The following OPRD1 variants were observed in gnomAD, a reference collection of about 807,000 sequenced individuals.
The protein encoded by OPRD1 is opioid receptor delta 1.
OPRD1 carries 19 observed loss-of-function variants against 17.5 expected under a neutral mutation model. The ratio of observed to expected loss-of-function variants is 1.09; its 90% confidence interval spans 0.76 to 1.60. The LOEUF is 1.60. OPRD1 is among the 40% of genes most tolerant of loss of function. OPRD1 has a pLI of 0.00. For missense variants in OPRD1, 483 were observed against 547.2 expected (o/e 0.88, Z 1.17); for synonymous variants, 256 against 240.9 (o/e 1.06, Z -0.58).
intron 1 of OPRD1, among the ~76,000 whole-genome samples, chr1:28,815,287 G>T (rs888285458): frequency 3.3e-5 from 5 of 151,994 alleles, no homozygotes; most frequent in African/African-American, 1.2e-4. Context: ...AGTTTTTTTT[G>T]CAGAGACAGG....
intron 1 of OPRD1, among the ~76,000 whole-genome samples, chr1:28,853,008 C>T (rs905290737): frequency 2.0e-5 from 3 of 152,272 alleles, no homozygotes; most frequent in African/African-American, 7.2e-5. Context: ...ACGTGAGCCA[C>T]CGCGCCCAGC....
At chr1:28,830,317 G>A (rs2088799626) in intron 1 of OPRD1, among the ~76,000 whole-genome samples, 1 of 151,946 alleles carries the variant, frequency 6.6e-6, no homozygotes, top group Non-Finnish European at 1.5e-5. Context: ...GAGCCCAGGA[G>A]TTCGAGACCA....
intron 1 of OPRD1, among the ~76,000 whole-genome samples, chr1:28,820,193 A>AT (rs1271417329): frequency 0.032 from 4,126 of 128,868 alleles, 181 homozygotes; most frequent in African/African-American, 0.082. Flanking sequence ...GAGGAACTAG[A>AT]TTTTTTTTTT....
At chr1:28,833,965 G>T (rs952620138) in intron 1 of OPRD1, among the ~76,000 whole-genome samples, 2 of 152,174 alleles carry the variant, frequency 1.3e-5, no homozygotes, top group African/African-American at 2.4e-5. Context: ...AGGCTGGAGC[G>T]CAGTGGTGTG....
chr1:28,842,108 C>T (rs1326596100), intron 1 of OPRD1, among the ~76,000 whole-genome samples: 1 of 152,014 alleles, frequency 6.6e-6, no homozygotes, highest in African/African-American at 2.4e-5. Context: ...TGGCTCACTG[C>T]AGCCTCAACC....
intron 1 of OPRD1, among the ~76,000 whole-genome samples, chr1:28,843,992 T>C (rs1460774986): frequency 1.3e-5 from 2 of 152,216 alleles, no homozygotes; most frequent in Non-Finnish European, 2.9e-5. Context: ...ACCCTGCTTT[T>C]AATTCTTCTA....
At chr1:28,842,179 G>A (rs918734357) in intron 1 of OPRD1, among the ~76,000 whole-genome samples, 2 of 151,966 alleles carry the variant, frequency 1.3e-5, no homozygotes, top group African/African-American at 4.8e-5. Context: ...ATAGGCATGC[G>A]CCACCACGCC....
Position 28,868,198 on chromosome 1 carries a change from G to A in OPRD1, c.*4915G>A, listed in dbSNP as rs1281940593. On this transcript the variant is annotated 3_prime_UTR_variant, in exon 3 of 3. Coordinates refer to ENST00000234961, the MANE Select transcript of OPRD1 (RefSeq NM_000911.4). Reference sequence around the variant, plus strand: ...GCCCCCAAGCCTGGATCAAATCCCAGCTCTCAAGCTAACTGGCTGTGTGAC... The same window carrying A: ...GCCCCCAAGCCTGGATCAAATCCCAACTCTCAAGCTAACTGGCTGTGTGAC... 1.3e-5 allele frequency: 2 copies of A among 152,244 alleles called. No homozygotes were observed. The highest frequency in any genetic ancestry group is 4.8e-5 in the African/African-American group (2 of 41,464). 9.4% of individuals were successfully genotyped at this position (152,244 alleles called of 1,614,324 possible).
intron 1 of OPRD1, among the ~76,000 whole-genome samples, chr1:28,813,289 C>T (rs983029464): frequency 7.2e-5 from 11 of 152,218 alleles, no homozygotes; most frequent in Non-Finnish European, 1.5e-4. Context: ...GCCAGTGATT[C>T]CTGGATAACA....
chr1:28,845,602 GA>G (rs2088933294), intron 1 of OPRD1, among the ~76,000 whole-genome samples: 2 of 151,760 alleles, frequency 1.3e-5, no homozygotes, highest in Non-Finnish European at 2.9e-5. Context: ...TAAAAAAGAG[GA>G]AAAAAAGAAA....
intron 1 of OPRD1, among the ~76,000 whole-genome samples, chr1:28,840,189 G>T (rs1163896942): frequency 2.0e-5 from 3 of 152,174 alleles, no homozygotes; most frequent in African/African-American, 7.2e-5. Flanking sequence ...CCTGCTTTGT[G>T]CTGGGTGCTG....
At chr1:28,824,063 T>C (rs57502081) in intron 1 of OPRD1, among the ~76,000 whole-genome samples, 2 of 150,234 alleles carry the variant, frequency 1.3e-5, no homozygotes, top group African/African-American at 4.9e-5. Context: ...CCTGTAATCC[T>C]AGCCACTCGG....
At chr1:28,845,258 T>C (rs6426345) in intron 1 of OPRD1, among the ~76,000 whole-genome samples, 96,885 of 151,472 alleles carry the variant, frequency 0.64, 33,588 homozygotes, top group East Asian at 0.92. Flanking sequence ...CCGAGGTAGG[T>C]GGATAACTTG....
At position 28,867,047 on chromosome 1, in the gene OPRD1, T is replaced by C. The variant is rs2089181240; in HGVS notation, c.*3764T>C. 1 of 150,960 alleles carries C rather than the reference T, an allele frequency of 6.6e-6. No individual in the cohort carries two copies. Among genetic ancestry groups the C allele is most frequent in the African/African-American group, 2.4e-5 (1 of 41,014 alleles). 9.4% of individuals were successfully genotyped at this position (150,960 alleles called of 1,614,324 possible). ...GCCAGTGTCTTGCTCTGTTGCCCAG[T>C]CTGGAGTGCAAGTGCAGTGGTGCAG... is the stretch of plus-strand genomic sequence containing the variant. On this transcript the variant is annotated 3_prime_UTR_variant, in exon 3 of 3. Transcript: ENST00000234961.
intron 1 of OPRD1, among the ~76,000 whole-genome samples, chr1:28,827,571 C>T (rs936511744): frequency 1.3e-5 from 2 of 152,206 alleles, no homozygotes; most frequent in African/African-American, 4.8e-5. Flanking sequence ...ATTGCAGCAG[C>T]AGCAATTCAG....
intron 1 of OPRD1, among the ~76,000 whole-genome samples, chr1:28,853,995 C>T (rs1327657733): frequency 1.3e-5 from 2 of 152,098 alleles, no homozygotes; most frequent in East Asian, 3.8e-4. Flanking sequence ...CCTGCCTCGG[C>T]CTCTCAAAGT....
At position 28,866,291 on chromosome 1, in the gene OPRD1, C is replaced by G. The variant is rs2089175180; in HGVS notation, c.*3008C>G. 1 of 152,224 alleles carries G rather than the reference C, an allele frequency of 6.6e-6. No homozygotes were observed. Among genetic ancestry groups the G allele is most frequent in the Non-Finnish European group, 1.5e-5 (1 of 68,062 alleles). The allele number at this position is 152,224 out of a possible 1,614,324, so 9.4% of individuals were successfully genotyped here. A position where few individuals can be genotyped will look rare whatever the true frequency, so the allele number is the denominator to read the frequency against. Reference sequence around the variant, plus strand: ...ACTAAAACACATGTTTGTCGCAGTTCTGTAAGAGGTGGAAAAGGGTCGGGG... The same window carrying G: ...ACTAAAACACATGTTTGTCGCAGTTGTGTAAGAGGTGGAAAAGGGTCGGGG... On this transcript the variant is annotated 3_prime_UTR_variant, in exon 3 of 3. Coordinates refer to ENST00000234961, the MANE Select transcript of OPRD1 (RefSeq NM_000911.4).
At chr1:28,820,473 G>A (rs1324206061) in intron 1 of OPRD1, among the ~76,000 whole-genome samples, 1 of 151,938 alleles carries the variant, frequency 6.6e-6, no homozygotes, top group African/African-American at 2.4e-5. Context: ...GGGATTACAG[G>A]TGTGAACTGG....
At chr1:28,849,157 C>A (rs546157921) in intron 1 of OPRD1, among the ~76,000 whole-genome samples, 1 of 152,054 alleles carries the variant, frequency 6.6e-6, no homozygotes, top group Non-Finnish European at 1.5e-5. Context: ...AATCCCAGCA[C>A]TTTGGGAGGC....
Sources: allele counts gnomAD v4.1 joint callset (sites outside exome capture counted in the v4.1 genomes callset), GRCh38; gene constraint gnomAD v4.1.1; transcripts MANE v1.5; gene names NCBI Gene and HGNC (gene_info 2026-07-23, HGNC 2026-07-21).